KIZ: variants seen among roughly 807,000 people sequenced by gnomAD.
KIZ encodes the protein kizuna centrosomal protein, also known as centrosomal protein kizuna.
In KIZ, 68 loss-of-function variants were observed where a neutral mutation model predicts 79.6. That is an observed-to-expected ratio of 0.85 (90% CI 0.70 to 1.05). KIZ has a LOEUF of 1.05. Among genes scored for constraint, KIZ ranks in the 50% least tolerant of loss-of-function variants. KIZ has a pLI of 0.00. For synonymous variants in KIZ, 280 were observed against 281.8 expected, an observed-to-expected ratio of 0.99 and a Z score of 0.06; for missense variants, 797 against 800.4, an observed-to-expected ratio of 1.00 and a Z score of 0.05.
rs1003323626 is a variant in KIZ, at chr20:21,217,763, G to C, written c.1678+2115G>C. Among the ~76,000 whole-genome samples, 5 of 152,180 alleles carry C rather than the reference G, an allele frequency of 3.3e-5. No individual in the cohort carries two copies. The South Asian group carries it at 1.0e-3, about 32-fold the overall frequency. The stretch of plus-strand genomic sequence containing the variant: ...ATACTAGACACTCAATTTTATCTGT[G>C]AAGTATAATAATATTCATGTGAACA... On this transcript the variant is annotated intron_variant, in intron 9 of 12. Transcript: ENST00000619189.
At chr20:21,191,870 A>G (rs747400949) in intron 6 of KIZ, among the ~76,000 whole-genome samples, 3 of 151,906 alleles carry the variant, frequency 2.0e-5, no homozygotes, top group African/African-American at 7.3e-5. Context: ...AGCAGCCCCA[A>G]ACTCTACCAG....
chr20:21,184,416 C>T (rs1028012803), intron 6 of KIZ, among the ~76,000 whole-genome samples: 13 of 152,222 alleles, frequency 8.5e-5, no homozygotes, highest in African/African-American at 2.7e-4. Flanking sequence ...TCCCAAAGGG[C>T]TGGGATTACA....
At chr20:21,163,294 G>T (rs6047280) in intron 6 of KIZ, 135 bp downstream of exon 6, 390,576 of 604,566 alleles carry the variant, frequency 0.65, 129,298 homozygotes, top group South Asian at 0.78. Flanking sequence ...AAGTAATCTT[G>T]TAGGCAAGAC....
chr20:21,214,662 C>T lies in KIZ; in HGVS notation c.1574C>T (p.Pro525Leu). The change falls in exon 8 of 13, where the codon CCT (proline) becomes CTT (leucine). Residue 525 changes from proline to leucine, a missense_variant. Coordinates refer to ENST00000619189, the MANE Select transcript of KIZ (RefSeq NM_018474.6). ...NDNSGIKEAK[P>L]AVWLNSVPTR... Reference sequence around the variant, plus strand: ...AATAGTGGAATAAAGGAAGCCAAACCTGCTGTATGGCTCAACAGTGTTCCT... The same window carrying T: ...AATAGTGGAATAAAGGAAGCCAAACTTGCTGTATGGCTCAACAGTGTTCCT... The T allele has an allele frequency of 6.2e-7, 1 of 1,612,564 alleles. No homozygotes were observed. Among genetic ancestry groups the T allele is most frequent in the South Asian group, 1.1e-5 (1 of 91,034 alleles).
chr20:21,166,512 G>A (rs2033946611), intron 6 of KIZ: 3 of 1,550,014 alleles, frequency 1.9e-6, no homozygotes, highest in Non-Finnish European at 1.8e-6. Flanking sequence ...TTGGAGCACG[G>A]CCTAATAAGC....
At chr20:21,176,613 C>G (rs1350165359) in intron 6 of KIZ, among the ~76,000 whole-genome samples, 1 of 150,418 alleles carries the variant, frequency 6.6e-6, no homozygotes, top group African/African-American at 2.4e-5. Context: ...GAGCAAGCAT[C>G]AGAGCCAGAC....
chr20:21,220,682 C>T (rs1032499877), intron 9 of KIZ, among the ~76,000 whole-genome samples: 2 of 152,066 alleles, frequency 1.3e-5, no homozygotes, highest in Non-Finnish European at 2.9e-5. Flanking sequence ...GGTTTTGCCC[C>T]GTTTGCCAGG....
intron 6 of KIZ, among the ~76,000 whole-genome samples, chr20:21,182,702 C>A (rs1446502298): frequency 2.0e-5 from 3 of 149,462 alleles, no homozygotes; most frequent in Non-Finnish European, 1.5e-5. Flanking sequence ...GAGGCTGAGG[C>A]ATGAGAATCA....
intron 9 of KIZ, among the ~76,000 whole-genome samples, chr20:21,217,024 G>A (rs2036319194): frequency 6.6e-6 from 1 of 152,124 alleles, no homozygotes; most frequent in Non-Finnish European, 1.5e-5. Flanking sequence ...AACTTGGGCT[G>A]TTTGCCATTA....
chr20:21,154,782 T>C (rs2033292094), intron 4 of KIZ, among the ~76,000 whole-genome samples: 1 of 152,202 alleles, frequency 6.6e-6, no homozygotes, highest in Non-Finnish European at 1.5e-5. Context: ...AGAAGACACA[T>C]AATAGTGTTC....
At chr20:21,136,905 A>G (rs1054264570) in intron 3 of KIZ, among the ~76,000 whole-genome samples, 1 of 152,208 alleles carries the variant, frequency 6.6e-6, no homozygotes, top group Non-Finnish European at 1.5e-5. Flanking sequence ...GTGAATTACC[A>G]TGTGGCTGAA....
At chr20:21,236,996 TAA>T (rs112003553) in intron 11 of KIZ, among the ~76,000 whole-genome samples, 62 of 129,952 alleles carry the variant, frequency 4.8e-4, no homozygotes, top group Admixed American at 8.5e-4. Context: ...AGACTCTGTT[TAA>T]AAAAAAAAAA....
chr20:21,223,441 C>T (rs2036562848), intron 9 of KIZ, among the ~76,000 whole-genome samples: 1 of 152,190 alleles, frequency 6.6e-6, no homozygotes, highest in African/African-American at 2.4e-5. Flanking sequence ...CAGCCGTCTT[C>T]CTGAGAGTGC....
chr20:21,165,155 C>T (rs894873664), intron 6 of KIZ, among the ~76,000 whole-genome samples: 1 of 152,190 alleles, frequency 6.6e-6, no homozygotes, highest in East Asian at 1.9e-4. Context: ...TGTTGGGGGC[C>T]TGGAGAAAAA....
intron 3 of KIZ, among the ~76,000 whole-genome samples, chr20:21,144,451 T>C (rs1162922022): frequency 6.6e-6 from 1 of 152,172 alleles, no homozygotes; most frequent in Non-Finnish European, 1.5e-5. Flanking sequence ...AACAGAGAGA[T>C]GTAAATTGTA....
At chr20:21,188,770 G>A (rs576832907) in intron 6 of KIZ, among the ~76,000 whole-genome samples, 4 of 151,726 alleles carry the variant, frequency 2.6e-5, no homozygotes, top group Non-Finnish European at 4.4e-5. Context: ...CACGATCTGG[G>A]CTCACTGCAA....
At chr20:21,126,069 C>G, upstream of KIZ, 2 of 1,409,936 alleles carry the variant, frequency 1.4e-6, no homozygotes, top group Non-Finnish European at 1.9e-6. Flanking sequence ...CAACCCCGGC[C>G]GAACGGCCAC....
intron 4 of KIZ, among the ~76,000 whole-genome samples, chr20:21,161,425 G>A (rs572451964): frequency 2.6e-5 from 4 of 152,230 alleles, no homozygotes; most frequent in East Asian, 1.9e-4. Flanking sequence ...TCTGCTGCCC[G>A]GGTTCAAGTG....
At chr20:21,226,686 C>T (rs1039948774) in intron 9 of KIZ, among the ~76,000 whole-genome samples, 1 of 152,176 alleles carries the variant, frequency 6.6e-6, no homozygotes, top group Non-Finnish European at 1.5e-5. Flanking sequence ...ATCTTTGTAC[C>T]TTTTAAACTT....
Sources: allele counts gnomAD v4.1 joint callset (sites outside exome capture counted in the v4.1 genomes callset), GRCh38; gene constraint gnomAD v4.1.1; transcripts MANE v1.5; gene names NCBI Gene and HGNC (gene_info 2026-07-23, HGNC 2026-07-21).